Variants in SLC6A2 observed in about 807,000 individuals in gnomAD.
SLC6A2 encodes the protein sodium-dependent noradrenaline transporter.
Under a neutral mutation model 71.7 loss-of-function variants are expected in SLC6A2, and 26 were observed. That is an observed-to-expected ratio of 0.36 (90% confidence interval 0.27 to 0.50). The LOEUF (loss-of-function observed/expected upper bound fraction) is 0.50. SLC6A2 is among the 20% of genes least tolerant of loss of function. SLC6A2 has a pLI of 0.96. For synonymous variants in SLC6A2, 363 were observed against 337.9 expected (o/e 1.07, Z -0.82); for missense variants, 581 against 803.9 (o/e 0.72, Z 3.35).
At chr16:55,686,940 CT>C (rs1386384284) in intron 5 of SLC6A2, among the ~76,000 whole-genome samples, 4 of 152,180 alleles carry the variant, frequency 2.6e-5, no homozygotes, top group Admixed American at 2.6e-4. Context: ...ATTAAGTATT[CT>C]TTTGAATTTA....
At chr16:55,699,197 G>A (rs1032689611) in intron 11 of SLC6A2, among the ~76,000 whole-genome samples, 5 of 152,336 alleles carry the variant, frequency 3.3e-5, no homozygotes, top group African/African-American at 9.6e-5. Flanking sequence ...GTCAGGGAAT[G>A]TGCTGTATGC....
chr16:55,691,058 C>T (rs1475108727), intron 5 of SLC6A2, among the ~76,000 whole-genome samples: 4 of 151,966 alleles, frequency 2.6e-5, no homozygotes, highest in Non-Finnish European at 4.4e-5. Flanking sequence ...CAGCCACATC[C>T]CTTCCTAGGC....
rs1964451163 is a variant in SLC6A2 at position 55,656,494 on chromosome 16, T to A, written c.-51-150T>A. On this transcript the variant is annotated intron_variant, in intron 1 of 14. Coordinates refer to ENST00000568943, the MANE Select transcript of SLC6A2 (RefSeq NM_001172501.3). This position sits in a 1 kb window ranked among gnomAD's most constrained non-coding sequence, Gnocchi z 4.5. ...CGTGCCCCAACCTCTGTTTCCAAAT[T>A]TTTCCAGCGGACGCGCGCCCTTTTC... is the stretch of plus-strand genomic sequence containing the variant. The A allele has an allele frequency of 3.1e-6, 2 of 647,940 alleles. No homozygotes were observed. Among genetic ancestry groups the A allele is most frequent in the South Asian group, 3.7e-5 (2 of 53,878 alleles). The allele number at this position is 647,940 out of a possible 1,614,324, so 40.1% of individuals were successfully genotyped here.
In SLC6A2 at chr16:55,702,739, A is replaced by AC. The variant is rs35571499; in HGVS notation, c.*397dup. The AC allele has an allele frequency of 1.5e-4, 131 of 860,852 alleles. No homozygotes were observed. Among genetic ancestry groups the AC allele is most frequent in the South Asian group, 2.2e-4 (4 of 18,144 alleles). 53.3% of individuals were successfully genotyped at this position (860,852 alleles called of 1,614,324 possible). On this transcript the variant is annotated 3_prime_UTR_variant, in exon 15 of 15. Transcript: ENST00000568943. ...AGAGAGGATGGGCTTTTGATCAGAT[A>AC]CCCCTCCCAAAAAAAAAAAAAACTA...
chr16:55,661,546 G>A (rs1250593276), intron 2 of SLC6A2, among the ~76,000 whole-genome samples: 2 of 152,176 alleles, frequency 1.3e-5, no homozygotes, highest in Non-Finnish European at 2.9e-5. Flanking sequence ...TTAACTGCAT[G>A]CTAGACTTAG....
At chr16:55,677,119 C>T (rs1170482914) in intron 4 of SLC6A2, among the ~76,000 whole-genome samples, 6 of 152,162 alleles carry the variant, frequency 3.9e-5, no homozygotes, top group African/African-American at 1.4e-4. Context: ...ATCAGGCTGA[C>T]ATCTCTATAG....
At position 55,699,501 on chromosome 16, in the gene SLC6A2, G is replaced by T. The variant is rs1378911984; in HGVS notation, c.1490-53G>T. On this transcript the variant is annotated intron_variant, in intron 11 of 14. Transcript: ENST00000568943. ...GGGCCAGAACCTCATGGGAGGACCT[G>T]GCCCTGGCTATCATGGGGGCCATGG... The T allele has an allele frequency of 1.4e-5, 20 of 1,421,900 alleles. No individual in the cohort carries two copies. The Admixed American group carries it at 3.2e-4, about 23-fold the overall frequency. The allele number at this position is 1,421,900 out of a possible 1,614,324, so 88.1% of individuals were successfully genotyped here. A position where few individuals can be genotyped will look rare whatever the true frequency, so the allele number is the denominator to read the frequency against.
At chr16:55,679,372 G>A (rs568119373) in intron 4 of SLC6A2, among the ~76,000 whole-genome samples, 15 of 152,142 alleles carry the variant, frequency 9.9e-5, no homozygotes, top group African/African-American at 3.4e-4. Flanking sequence ...GACTACAGGT[G>A]TGTGCCACCA....
At chr16:55,694,838 G>A (rs1259519679) in intron 7 of SLC6A2, among the ~76,000 whole-genome samples, 1 of 152,188 alleles carries the variant, frequency 6.6e-6, no homozygotes, top group Non-Finnish European at 1.5e-5. Context: ...GCACTGGGGG[G>A]AGAAGCGGGA....
intron 7 of SLC6A2, 134 bp from the exon 8 acceptor site, chr16:55,695,144 G>C: frequency 1.0e-6 from 1 of 969,496 alleles, no homozygotes; most frequent in East Asian, 2.4e-5. Flanking sequence ...GTATCCATGT[G>C]GCAGCAGGAG....
intron 9 of SLC6A2, among the ~76,000 whole-genome samples, 173 bp from the exon 10 acceptor site, chr16:55,697,724 A>G (rs1057291176): frequency 1.2e-5 from 1 of 85,712 alleles, no homozygotes; most frequent in African/African-American, 2.9e-5. Flanking sequence ...GCCTGAGAAC[A>G]GGACAGAAAT....
intron 3 of SLC6A2, among the ~76,000 whole-genome samples, chr16:55,671,000 T>G (rs908632017): frequency 1.3e-5 from 2 of 152,156 alleles, no homozygotes; most frequent in African/African-American, 4.8e-5. Flanking sequence ...TTGTGATACA[T>G]TGAGGAACAC....
intron 4 of SLC6A2, among the ~76,000 whole-genome samples, chr16:55,678,347 A>G (rs1445874725): frequency 6.6e-6 from 1 of 151,764 alleles, no homozygotes; most frequent in Non-Finnish European, 1.5e-5. Flanking sequence ...TTTTGTCTAA[A>G]TGTTTCTGCT....
rs754846214 is a variant in SLC6A2 at position 55,694,125 on chromosome 16, C to T, written c.1022+12C>T. On this transcript the variant is annotated intron_variant, in intron 7 of 14. Transcript: ENST00000568943. ...AACAACTGTTACAGGTAAGATTCTTCTCAGAATTCTGAGAAGCTCTAAATC... is the reference window on the plus strand; with the variant it reads ...AACAACTGTTACAGGTAAGATTCTTTTCAGAATTCTGAGAAGCTCTAAATC... The T allele has an allele frequency of 2.0e-6, 3 of 1,507,636 alleles. No homozygotes were observed. Among genetic ancestry groups the T allele is most frequent in the Non-Finnish European group, 2.8e-6 (3 of 1,083,078 alleles). The allele number at this position is 1,507,636 out of a possible 1,614,324, so 93.4% of individuals were successfully genotyped here.
At chr16:55,667,785 A>G (rs1964794712) in intron 2 of SLC6A2, among the ~76,000 whole-genome samples, 1 of 144,674 alleles carries the variant, frequency 6.9e-6, no homozygotes, top group East Asian at 2.0e-4. Flanking sequence ...CTCTGATCCT[A>G]TTCAGACTCA....
At chr16:55,670,229 A>G (rs1964868151) in intron 3 of SLC6A2, among the ~76,000 whole-genome samples, 1 of 152,182 alleles carries the variant, frequency 6.6e-6, no homozygotes, top group Non-Finnish European at 1.5e-5. Context: ...GGAGAAGGGC[A>G]TGGAGGAAGA....
At chr16:55,698,694 T>C (rs1190024534) in intron 11 of SLC6A2, 126 bp downstream of exon 11, 51 of 737,444 alleles carry the variant, frequency 6.9e-5, no homozygotes, top group Non-Finnish European at 1.1e-4. Context: ...AAGTCACTTA[T>C]TGGGAACAAA....
chr16:55,668,462 C>T (rs1451074180), intron 2 of SLC6A2, among the ~76,000 whole-genome samples: 1 of 152,066 alleles, frequency 6.6e-6, no homozygotes, highest in Non-Finnish European at 1.5e-5. Context: ...GTGGGTAGGT[C>T]AGAGAGTATT....
intron 2 of SLC6A2, among the ~76,000 whole-genome samples, chr16:55,657,403 A>T (rs531706482): frequency 6.6e-6 from 1 of 152,144 alleles, no homozygotes; most frequent in South Asian, 2.1e-4. Context: ...GGATTTGACA[A>T]CCAGGCCCAC....
Sources: gnomAD v4.1 joint callset for allele counts (sites outside exome capture counted in the v4.1 genomes callset) on GRCh38, gnomAD v4.1.1 for gene constraint, Gnocchi (gnomAD v3.1) non-coding constraint, MANE v1.5 for transcripts, NCBI Gene and HGNC (gene_info 2026-07-23, HGNC 2026-07-21) for gene names.